Variants in DCAF11 observed in about 807,000 individuals in gnomAD.
DCAF11 encodes the protein DDB1- and CUL4-associated factor 11.
In DCAF11, 44 loss-of-function variants were observed where a neutral mutation model predicts 76.1. The ratio of observed to expected loss-of-function variants is 0.58; its 90% CI spans 0.45 to 0.74. DCAF11 has a LOEUF of 0.74. DCAF11 is among the 30% of genes least tolerant of loss of function. DCAF11 has a pLI of 0.00. For synonymous variants in DCAF11, 258 were observed against 255.0 expected, an observed-to-expected ratio of 1.01 and a Z score of -0.11; for missense variants, 604 against 709.4, an observed-to-expected ratio of 0.85 and a Z score of 1.69.
intron 12 of DCAF11, 65 bp downstream of exon 12, chr14:24,121,056 C>G (rs916077803): frequency 1.7e-5 from 27 of 1,586,390 alleles, no homozygotes; most frequent in Non-Finnish European, 2.2e-5. Context: ...GGACCTCCCC[C>G]TCAGCCCTCT....
chr14:24,118,147 CTTGCCAAGGTACCAG>C lies in DCAF11; in HGVS notation c.570_577+7del. 3 of 1,611,914 alleles carry C rather than the reference CTTGCCAAGGTACCAG, an allele frequency of 1.9e-6. No individual in the cohort carries two copies. The highest frequency in any genetic ancestry group is 2.5e-6 in the Non-Finnish European group (3 of 1,178,804). On this transcript the variant is annotated splice_donor_variant and splice_donor_5th_base_variant and coding_sequence_variant and intron_variant, in exon 6 of 15. Transcript: ENST00000446197. LOFTEE classifies it high-confidence loss of function. ...AAAGATGGTCAAATATTCATGTCTG[CTTGCCAAGGTACCAG>C]ACCCTGGTCCTATAAACTATCTTTT...
At chr14:24,116,212 AG>A (rs2037559305) in intron 2 of DCAF11, among the ~76,000 whole-genome samples, 1 of 152,252 alleles carries the variant, frequency 6.6e-6, no homozygotes, top group Non-Finnish European at 1.5e-5. Context: ...TCTTGAGGAA[AG>A]AATGCCTTGA....
rs768198049 is a variant in DCAF11 at position 24,120,935 on chromosome 14, G to A, written c.1190G>A (p.Arg397His). 4.3e-6 allele frequency: 7 copies of A among 1,614,058 alleles called. No homozygotes were observed. Among genetic ancestry groups the A allele is most frequent in the African/African-American group, 1.3e-5 (1 of 74,906 alleles). Residue 397 changes from arginine (R) to histidine (H), a missense_variant, in exon 12 of 15, where the codon CGC (arginine) becomes CAC (histidine). By Grantham distance (29) the Arg-to-His change is conservative. Transcript: ENST00000446197. ...FSSREGMEASRQAATQQNWDY... is the reference protein window; with the variant it reads ...FSSREGMEASHQAATQQNWDY... The stretch of plus-strand genomic sequence containing the variant: ...AGCCGGGAAGGCATGGAAGCTTCAC[G>A]CCAGGCTGCCACACAGCAAAACTGG...
In DCAF11 at chr14:24,115,447, G is replaced by T; in HGVS notation, c.-148G>T. The T allele has an allele frequency of 8.6e-7, 1 of 1,162,852 alleles. No individual in the cohort carries two copies. The highest frequency in any genetic ancestry group is 1.2e-6 in the Non-Finnish European group (1 of 845,016). 72.0% of individuals were successfully genotyped at this position (1,162,852 alleles called of 1,614,324 possible). On this transcript the variant is annotated 5_prime_UTR_variant, in exon 2 of 15. Transcript: ENST00000446197. ...CATAGGCTAAAGAAAAGGGATCTCA[G>T]CCCCGAGGAAGGGTCACCCTCCTAG...
In DCAF11 at chr14:24,123,279, A is replaced by G. The variant is rs1244512690; in HGVS notation, c.1611A>G (p.Gln537=). Residue 537 remains glutamine, a synonymous_variant, in exon 15 of 15, where the codon CAA becomes CAG. Transcript: ENST00000446197. ...ECASAPAPVP[Q]SSTPFSSPQ is the part of the protein sequence containing the mutation. ...CCAGCGCCCCTGCCCCAGTGCCCCAATCCTCTACACCCTTTTCCTCACCCC... is the reference window on the plus strand; with the variant it reads ...CCAGCGCCCCTGCCCCAGTGCCCCAGTCCTCTACACCCTTTTCCTCACCCC... 1.9e-6 allele frequency: 3 copies of G among 1,554,338 alleles called. No individual in the cohort carries two copies. The highest frequency in any genetic ancestry group is 2.7e-5 in the African/African-American group (2 of 73,446).
In DCAF11 at chr14:24,121,365, C is replaced by G. The variant is rs940275801; in HGVS notation, c.1247C>G (p.Ala416Gly). The G allele has an allele frequency of 1.9e-6, 3 of 1,614,040 alleles. No individual in the cohort carries two copies. The highest frequency in any genetic ancestry group is 1.7e-5 in the Admixed American group (1 of 60,002). The stretch of plus-strand genomic sequence containing the variant: ...GGGTTTACTCTGCATCCCTACCCAG[C>G]CTGGCGGAAGCTGAAGCTCCCAGGG... ...DYRWQQVPKK[A>G]WRKLKLPGDS... is the part of the protein sequence containing the mutation. The change falls in exon 13 of 15, where the codon GCC becomes GGC. Residue 416 changes from alanine to glycine, a missense_variant and splice_region_variant. By Grantham distance (60) the Ala-to-Gly change is moderately conservative. Coordinates refer to ENST00000446197, the MANE Select transcript of DCAF11 (RefSeq NM_025230.5).
chr14:24,117,947 A>C lies in DCAF11; in HGVS notation c.477-108A>C. ...AAAGACGGGATTGCACTCACAGCCA[A>C]AAGGGAAGAATGACTGTTCTGATAT... On this transcript the variant is annotated intron_variant, in intron 5 of 14. Coordinates refer to ENST00000446197, the MANE Select transcript of DCAF11 (RefSeq NM_025230.5). The surrounding 1 kb of genome is among the most constrained non-coding windows in gnomAD (Gnocchi z 4.3). 1 of 951,256 alleles carries C rather than the reference A, an allele frequency of 1.1e-6. No individual in the cohort carries two copies. The highest frequency in any genetic ancestry group is 1.6e-6 in the Non-Finnish European group (1 of 620,178). The allele number at this position is 951,256 out of a possible 1,614,324, so 58.9% of individuals were successfully genotyped here.
chr14:24,123,572 C>A lies in DCAF11; in HGVS notation c.*263C>A. 1 of 433,432 alleles carries A rather than the reference C, an allele frequency of 2.3e-6. No individual in the cohort carries two copies. 26.8% of individuals were successfully genotyped at this position (433,432 alleles called of 1,614,324 possible). ...ACTGCCATTATCTGGGGTGTGGCCT[C>A]TGCCAGCAAGAGAAGTGTCCTGGGT... On this transcript the variant is annotated 3_prime_UTR_variant, in exon 15 of 15. Transcript: ENST00000446197.
At position 24,117,509 on chromosome 14, in the gene DCAF11, C is replaced by T; in HGVS notation, c.411+116C>T. 1 of 1,549,226 alleles carries T rather than the reference C, an allele frequency of 6.5e-7. No homozygotes were observed. The highest frequency in any genetic ancestry group is 8.8e-7 in the Non-Finnish European group (1 of 1,142,400). ...AAAGTAGAAGCCTCAAGCGCTGGGGCTGGAGAGTTAACCAGCCTCCATCGG... is the reference window on the plus strand; with the variant it reads ...AAAGTAGAAGCCTCAAGCGCTGGGGTTGGAGAGTTAACCAGCCTCCATCGG... On this transcript the variant is annotated intron_variant, in intron 4 of 14. Transcript: ENST00000446197. The surrounding 1 kb of genome is among the most constrained non-coding windows in gnomAD (Gnocchi z 4.3).
chr14:24,120,932 C>G lies in DCAF11; in HGVS notation c.1187C>G (p.Ser396Ter). 6.2e-7 allele frequency: 1 copy of G among 1,614,210 alleles called. No individual in the cohort carries two copies. Among genetic ancestry groups the G allele is most frequent in the Non-Finnish European group, 8.5e-7 (1 of 1,180,046 alleles). Residue 396 changes from serine (S) to a stop codon, truncating the protein, a stop_gained, in exon 12 of 15, where the codon TCA (serine) becomes TGA (stop). Transcript: ENST00000446197. LOFTEE classifies it high-confidence loss of function. ...RFSSREGMEASRQAATQQNWD... is the reference protein window; with the variant it reads ...RFSSREGMEA ...TCCAGCCGGGAAGGCATGGAAGCTT[C>G]ACGCCAGGCTGCCACACAGCAAAAC...
At position 24,123,225 on chromosome 14, in the gene DCAF11, G is replaced by A. The variant is rs1328280841; in HGVS notation, c.1557G>A (p.Gln519=). 5 of 1,583,844 alleles carry A rather than the reference G, an allele frequency of 3.2e-6. No individual in the cohort carries two copies. Among genetic ancestry groups the A allele is most frequent in the Non-Finnish European group, 4.3e-6 (5 of 1,163,288 alleles). The change falls in exon 15 of 15, where the codon CAG becomes CAA. Residue 519 remains glutamine (Q), a synonymous_variant. Transcript: ENST00000446197. The part of the protein sequence containing the change: ...LWQYRQAEYF[Q]DDMPESEECA... ...AGTACCGCCAGGCTGAGTACTTCCA[G>A]GATGACATGCCAGAATCTGAGGAAT...
In DCAF11 at chr14:24,118,052, T is replaced by C; in HGVS notation, c.477-3T>C. ...CACCCTCACTTTCTCTCTCCTTCCCTAGCTTCTTGCCCAATGATCTGGGCT... is the reference window on the plus strand; with the variant it reads ...CACCCTCACTTTCTCTCTCCTTCCCCAGCTTCTTGCCCAATGATCTGGGCT... On this transcript the variant is annotated splice_polypyrimidine_tract_variant and splice_region_variant and intron_variant, in intron 5 of 14. Coordinates refer to ENST00000446197, the MANE Select transcript of DCAF11 (RefSeq NM_025230.5). The C allele has an allele frequency of 5.6e-6, 9 of 1,605,480 alleles. No homozygotes were observed. Among genetic ancestry groups the C allele is most frequent in the Non-Finnish European group, 7.7e-6 (9 of 1,176,188 alleles).
rs1009962774 is a variant in DCAF11 at position 24,124,880 on chromosome 14, A to T, written c.*1571A>T. 1 of 152,238 alleles carries T rather than the reference A, an allele frequency of 6.6e-6. No individual in the cohort carries two copies. The highest frequency in any genetic ancestry group is 2.4e-5 in the African/African-American group (1 of 41,460). 9.4% of individuals were successfully genotyped at this position (152,238 alleles called of 1,614,324 possible). ...AACATGGTGGAACCCAATCTCTACTAAAAATACAAAAAAACTAGCCGGATA... is the reference window on the plus strand; with the variant it reads ...AACATGGTGGAACCCAATCTCTACTTAAAATACAAAAAAACTAGCCGGATA... On this transcript the variant is annotated 3_prime_UTR_variant, in exon 15 of 15. Transcript: ENST00000446197.
Position 24,123,364 on chromosome 14 carries a change from C to T in DCAF11, c.*55C>T. ...CCTCTTGATAAGCTCTCTGCCTCCT[C>T]CTCCCTTTCTCCCTTGTGGGGAATG... On this transcript the variant is annotated 3_prime_UTR_variant, in exon 15 of 15. Transcript: ENST00000446197. The T allele has an allele frequency of 6.7e-7, 1 of 1,499,834 alleles. No homozygotes were observed. The highest frequency in any genetic ancestry group is 8.9e-7 in the Non-Finnish European group (1 of 1,123,838). 92.9% of individuals were successfully genotyped at this position (1,499,834 alleles called of 1,614,324 possible). A position where few individuals can be genotyped will look rare whatever the true frequency, so the allele number is the denominator to read the frequency against.
In DCAF11 at chr14:24,123,039, A is replaced by T. The variant is rs2037720771; in HGVS notation, c.1468A>T (p.Ser490Cys). 1 of 1,614,204 alleles carries T rather than the reference A, an allele frequency of 6.2e-7. No homozygotes were observed. The highest frequency in any genetic ancestry group is 1.3e-5 in the African/African-American group (1 of 75,050). The change falls in exon 14 of 15, where the codon AGT (serine) becomes TGT (cysteine). Residue 490 changes from serine to cysteine, a missense_variant. Transcript: ENST00000446197. ...TNHKACVRDV[S>C]WHPFEEKIVS... ...CCACAAGGCCTGTGTGCGTGACGTC[A>T]GTTGGCACCCCTTTGAAGAGAAGAT...
rs750242502 is a variant in DCAF11, at chr14:24,120,901, C to A, written c.1156C>A (p.Arg386Ser). The A allele has an allele frequency of 3.7e-6, 6 of 1,614,214 alleles. No homozygotes were observed. The highest frequency in any genetic ancestry group is 1.1e-5 in the South Asian group (1 of 91,088). Residue 386 changes from arginine to serine, a missense_variant, in exon 12 of 15, where the codon CGC becomes AGC. Coordinates refer to ENST00000446197, the MANE Select transcript of DCAF11 (RefSeq NM_025230.5). ...GACCATCAAACTCTGGGATATCCGA[C>A]GCTTTTCCAGCCGGGAAGGCATGGA... ...DQTIKLWDIRRFSSREGMEAS... is the reference protein window; with the variant it reads ...DQTIKLWDIRSFSSREGMEAS...
Position 24,119,745 on chromosome 14 carries a change from C to G in DCAF11, c.941C>G (p.Ala314Gly). 1 of 1,614,212 alleles carries G rather than the reference C, an allele frequency of 6.2e-7. No individual in the cohort carries two copies. The highest frequency in any genetic ancestry group is 8.5e-7 in the Non-Finnish European group (1 of 1,180,042). Reference protein sequence around the residue: ...ESHEDDVNAVAFADISSQILF... With the variant: ...ESHEDDVNAVGFADISSQILF... ...CATGAGGATGATGTGAATGCAGTGG[C>G]CTTTGCTGATATAAGCTCCCAAATC... The change falls in exon 11 of 15, where the codon GCC (alanine) becomes GGC (glycine). Residue 314 changes from alanine (A) to glycine (G), a missense_variant. Transcript: ENST00000446197.
Position 24,124,054 on chromosome 14 carries a change from ACT to A in DCAF11, c.*750_*751del, listed in dbSNP as rs1301115763. The A allele has an allele frequency of 4.0e-5, 6 of 151,698 alleles. No individual in the cohort carries two copies. The highest frequency in any genetic ancestry group is 8.8e-5 in the Non-Finnish European group (6 of 67,908). 9.4% of individuals were successfully genotyped at this position (151,698 alleles called of 1,614,324 possible). A position where few individuals can be genotyped will look rare whatever the true frequency, so the allele number is the denominator to read the frequency against. ...GGCTCAGTGTCTGTCTCTCTCTCTC[ACT>A]CTCTGTTTTTCCTATCTGAGGTCTT... On this transcript the variant is annotated 3_prime_UTR_variant, in exon 15 of 15. Coordinates refer to ENST00000446197, the MANE Select transcript of DCAF11 (RefSeq NM_025230.5).
intron 12 of DCAF11, 139 bp from the exon 13 acceptor site, chr14:24,121,224 CTA>C: frequency 8.2e-7 from 1 of 1,219,514 alleles, no homozygotes; most frequent in Non-Finnish European, 1.2e-6. Context: ...TGTCCACTGA[CTA>C]TTAGGTGGAG....
Sources: gnomAD v4.1 joint callset for allele counts (sites outside exome capture counted in the v4.1 genomes callset) on GRCh38, gnomAD v4.1.1 for gene constraint, Gnocchi (gnomAD v3.1) non-coding constraint, MANE v1.5 for transcripts, NCBI Gene and HGNC (gene_info 2026-07-23, HGNC 2026-07-21) for gene names.